ZRANB3: variants seen among roughly 807,000 people sequenced by gnomAD.
ZRANB3 encodes DNA annealing helicase and endonuclease ZRANB3.
In ZRANB3, 125 loss-of-function variants were observed where a neutral mutation model predicts 133.8. That is an observed-to-expected ratio of 0.93 (90% CI 0.81 to 1.08). The LOEUF (loss-of-function observed/expected upper bound fraction) is 1.08. Among genes scored for constraint, ZRANB3 ranks in the 50% least tolerant of loss-of-function variants. ZRANB3 has a pLI of 0.00. For missense variants in ZRANB3, 1,229 were observed against 1,275.5 expected (o/e 0.96, Z 0.56); for synonymous variants, 387 against 432.7 (o/e 0.89, Z 1.31).
intron 2 of ZRANB3, among the ~76,000 whole-genome samples, chr2:135,463,216 G>C (rs1323770598): frequency 1.3e-5 from 2 of 152,108 alleles, no homozygotes; most frequent in Admixed American, 6.5e-5. Context: ...TCTCCAGTGG[G>C]AGGCACAGGG....
chr2:135,236,100 C>T (rs1180346873), intron 12 of ZRANB3, among the ~76,000 whole-genome samples: 1 of 152,164 alleles, frequency 6.6e-6, no homozygotes, highest in East Asian at 1.9e-4. Flanking sequence ...TCTCAGGATA[C>T]AAAATCAATG....
intron 19 of ZRANB3, 138 bp downstream of exon 19, chr2:135,207,296 C>T (rs1693909844): frequency 2.1e-6 from 2 of 962,338 alleles, no homozygotes; most frequent in Non-Finnish European, 2.9e-6. Flanking sequence ...TTAAAGCTGG[C>T]TGATGGACAT....
Position 135,386,392 on chromosome 2 carries a change from T to G in ZRANB3, c.180+4410A>C, listed in dbSNP as rs538119114. Among the ~76,000 whole-genome samples the G allele has an allele frequency of 5.3e-5, 8 of 152,286 alleles. No individual in the cohort carries two copies. The South Asian group carries it at 1.5e-3, about 28-fold the overall frequency. On this transcript the variant is annotated intron_variant, in intron 3 of 20. Coordinates refer to ENST00000264159, the MANE Select transcript of ZRANB3 (RefSeq NM_032143.4). ...AATAGGAATGCTTTAACACTGTTGG[T>G]GGGAGTGTAAACTAGTTCAACCATT... is the stretch of plus-strand genomic sequence containing the variant.
At chr2:135,334,756 A>G (rs1684295139) in intron 6 of ZRANB3, among the ~76,000 whole-genome samples, 1 of 132,344 alleles carries the variant, frequency 7.6e-6, no homozygotes, top group Admixed American at 7.3e-5. Context: ...TTAGCCAGGC[A>G]TGGTGGCGCG....
At chr2:135,254,276 A>G (rs1679539614) in intron 12 of ZRANB3, among the ~76,000 whole-genome samples, 1 of 152,168 alleles carries the variant, frequency 6.6e-6, no homozygotes, top group Admixed American at 6.6e-5. Context: ...GTAGTTATTT[A>G]TTCTGTCCTG....
chr2:135,276,253 T>A (rs892332277), intron 8 of ZRANB3, among the ~76,000 whole-genome samples: 2 of 151,132 alleles, frequency 1.3e-5, no homozygotes, highest in African/African-American at 4.9e-5. Context: ...TTTTTTTTTT[T>A]ACTTAAGAAA....
intron 2 of ZRANB3, among the ~76,000 whole-genome samples, chr2:135,489,114 G>A (rs1184014480): frequency 6.6e-6 from 1 of 151,766 alleles, no homozygotes; most frequent in Admixed American, 6.6e-5. Context: ...ATTGAATGAT[G>A]AGCAGTCATT....
chr2:135,404,756 G>A (rs1051101076), intron 2 of ZRANB3, among the ~76,000 whole-genome samples: 7 of 152,252 alleles, frequency 4.6e-5, no homozygotes, highest in African/African-American at 1.2e-4. Flanking sequence ...CGGATCTCTC[G>A]GCAGAAACTC....
At chr2:135,484,196 C>T (rs1559029879) in intron 2 of ZRANB3, among the ~76,000 whole-genome samples, 1 of 151,872 alleles carries the variant, frequency 6.6e-6, no homozygotes, top group African/African-American at 2.4e-5. Context: ...CTTTTCTTCC[C>T]CAGACAGACA....
chr2:135,378,574 A>G (rs1686534632), intron 3 of ZRANB3, among the ~76,000 whole-genome samples: 1 of 152,138 alleles, frequency 6.6e-6, no homozygotes, highest in Admixed American at 6.6e-5. Context: ...TCTTCCCAAA[A>G]ATTCAGTATA....
rs757289610 is a variant in ZRANB3 at position 135,432,207 on chromosome 2, G to A, written c.162-41387C>T. ...GGAGGCTGCAGTGAGCTGAGATTGC[G>A]CCATTGAACTCCAGCCTGGGCATTA... On this transcript the variant is annotated intron_variant, in intron 2 of 20. Coordinates refer to ENST00000264159, the MANE Select transcript of ZRANB3 (RefSeq NM_032143.4). Among the ~76,000 whole-genome samples, 80 of 152,074 alleles carry A rather than the reference G, an allele frequency of 5.3e-4. 1 individual carries two copies. Among genetic ancestry groups the A allele is most frequent in the Admixed American group, 2.6e-4 (4 of 15,254 alleles).
chr2:135,249,802 A>G (rs892692235), intron 12 of ZRANB3, among the ~76,000 whole-genome samples: 1 of 152,208 alleles, frequency 6.6e-6, no homozygotes, highest in African/African-American at 2.4e-5. Flanking sequence ...CTCCCCAGCC[A>G]TGTGGAACTT....
At chr2:135,403,566 G>C (rs1000518338) in intron 2 of ZRANB3, among the ~76,000 whole-genome samples, 5 of 152,234 alleles carry the variant, frequency 3.3e-5, no homozygotes, top group African/African-American at 1.2e-4. Context: ...ATCCTCTGCA[G>C]ACTTAAATGT....
intron 2 of ZRANB3, among the ~76,000 whole-genome samples, chr2:135,401,336 C>A (rs1360092315): frequency 6.6e-6 from 1 of 152,134 alleles, no homozygotes; most frequent in East Asian, 1.9e-4. Flanking sequence ...TTCAATAACA[C>A]CCCAAAGTTG....
intron 1 of ZRANB3, among the ~76,000 whole-genome samples, chr2:135,529,843 C>T (rs761371449): frequency 2.0e-5 from 3 of 151,664 alleles, no homozygotes; most frequent in Non-Finnish European, 4.4e-5. Context: ...GGTCGTTACT[C>T]AAAGAGTGGT....
Position 135,405,274 on chromosome 2 carries a change from C to T in ZRANB3, c.162-14454G>A, listed in dbSNP as rs539128350. On this transcript the variant is annotated intron_variant, in intron 2 of 20. Coordinates refer to ENST00000264159, the MANE Select transcript of ZRANB3 (RefSeq NM_032143.4). ...AAGTTCAACAAGAAGAGCTAACTAT[C>T]CTAAATATACATGCACCCAATACAG... Among the ~76,000 whole-genome samples the T allele has an allele frequency of 3.6e-4, 55 of 152,296 alleles. 1 individual carries two copies. The highest frequency in any genetic ancestry group is 6.8e-3 in the Middle Eastern group (2 of 294).
intron 2 of ZRANB3, among the ~76,000 whole-genome samples, chr2:135,479,836 G>A (rs1227527272): frequency 1.3e-5 from 2 of 151,878 alleles, no homozygotes; most frequent in African/African-American, 2.4e-5. Context: ...GCCAAGATAC[G>A]GTTTCTCATA....
chr2:135,227,546 G>T (rs1694800912), intron 14 of ZRANB3, among the ~76,000 whole-genome samples: 1 of 152,176 alleles, frequency 6.6e-6, no homozygotes, highest in Admixed American at 6.5e-5. Flanking sequence ...AGCTAGGCTT[G>T]GTTGAGGCTG....
At chr2:135,300,369 T>TA (rs1316606229) in intron 8 of ZRANB3, among the ~76,000 whole-genome samples, 123 of 152,284 alleles carry the variant, frequency 8.1e-4, no homozygotes, top group African/African-American at 2.7e-3. Context: ...TATGAAGATT[T>TA]TAAAAAAACC....
Sources: allele counts gnomAD v4.1 joint callset (sites outside exome capture counted in the v4.1 genomes callset), GRCh38; gene constraint gnomAD v4.1.1; transcripts MANE v1.5; gene names NCBI Gene and HGNC (gene_info 2026-07-23, HGNC 2026-07-21).